Variants in UCHL3 observed in about 807,000 individuals in gnomAD.
UCHL3 encodes ubiquitin carboxyl-terminal hydrolase isozyme L3.
Under a neutral mutation model 35.8 loss-of-function variants are expected in UCHL3, and 22 were observed. The ratio of observed to expected loss-of-function variants is 0.61; its 90% CI spans 0.44 to 0.88. The LOEUF is 0.88. UCHL3 is among the 40% of genes least tolerant of loss of function. The pLI, the probability that UCHL3 is intolerant of heterozygous loss-of-function variation, is 0.00. For synonymous variants in UCHL3, 90 were observed against 92.8 expected, an observed-to-expected ratio of 0.97 and a Z score of 0.17; for missense variants, 229 against 276.9, an observed-to-expected ratio of 0.83 and a Z score of 1.23.
chr13:75,549,659 G>A, upstream of UCHL3: 1 of 699,960 alleles, frequency 1.4e-6, no homozygotes, highest in Non-Finnish European at 2.2e-6. Context: ...CCTGCACGGA[G>A]CGGTTAAGAG....
chr13:75,554,558 G>A (rs1284676714), intron 2 of UCHL3, among the ~76,000 whole-genome samples: 2 of 152,120 alleles, frequency 1.3e-5, no homozygotes, highest in Admixed American at 6.5e-5. Flanking sequence ...CACAGTGCAA[G>A]CCACCATCCT....
chr13:75,580,781 T>C (rs933030659), intron 6 of UCHL3, among the ~76,000 whole-genome samples: 23 of 152,224 alleles, frequency 1.5e-4, no homozygotes, highest in African/African-American at 5.1e-4. Flanking sequence ...ATGGGAAATC[T>C]AAGAAGCTGC....
rs554104506 is a variant in UCHL3 at position 75,599,125 on chromosome 13, T to G, written c.550+4135T>G. Among the ~76,000 whole-genome samples, 16 of 140,044 alleles carry G rather than the reference T, an allele frequency of 1.1e-4. No homozygotes were observed. In the East Asian group the frequency reaches 2.8e-3, roughly 24 times the overall value. The allele number at this position is 140,044 out of a possible 152,430, so 91.9% of individuals were successfully genotyped here. The stretch of plus-strand genomic sequence containing the variant: ...CTGGGACTGTAGGCCTGTGCCACCA[T>G]GCCTGGCTATTTTTTTTTTTTTTTT... On this transcript the variant is annotated intron_variant, in intron 7 of 8. Coordinates refer to ENST00000377595, the MANE Select transcript of UCHL3 (RefSeq NM_006002.5).
intron 2 of UCHL3, among the ~76,000 whole-genome samples, chr13:75,557,257 G>T (rs779499197): frequency 4.0e-5 from 6 of 151,834 alleles, no homozygotes; most frequent in Non-Finnish European, 5.9e-5. Context: ...CCTTGCCATG[G>T]CAGTAGAGGT....
chr13:75,603,190 G>A (rs939080087), intron 7 of UCHL3, among the ~76,000 whole-genome samples: 10 of 152,022 alleles, frequency 6.6e-5, no homozygotes, highest in Admixed American at 1.3e-4. Context: ...GGGTCTCACT[G>A]TATTGCCCAG....
At chr13:75,570,247 G>C (rs544046159) in intron 6 of UCHL3, among the ~76,000 whole-genome samples, 1 of 151,118 alleles carries the variant, frequency 6.6e-6, no homozygotes, top group East Asian at 1.9e-4. Flanking sequence ...ACTTTTTTTT[G>C]TTTTTTTTGA....
intron 6 of UCHL3, among the ~76,000 whole-genome samples, chr13:75,584,654 A>G (rs2032274941): frequency 6.6e-6 from 1 of 152,216 alleles, no homozygotes. Flanking sequence ...TATGATCTAG[A>G]TGTCAAACTA....
At chr13:75,564,940 C>A (rs1374952903) in intron 3 of UCHL3, among the ~76,000 whole-genome samples, 1 of 152,156 alleles carries the variant, frequency 6.6e-6, no homozygotes, top group Non-Finnish European at 1.5e-5. Flanking sequence ...AGATGATCCA[C>A]CCCCTTCAGC....
Position 75,551,875 on chromosome 13 carries a change from G to C in UCHL3, c.54+1888G>C, listed in dbSNP as rs557992854. On this transcript the variant is annotated intron_variant, in intron 2 of 8. Coordinates refer to ENST00000377595, the MANE Select transcript of UCHL3 (RefSeq NM_006002.5). The stretch of plus-strand genomic sequence containing the variant: ...ACCAGTAATCTGAACAGGAGCTGGT[G>C]ATTCTTTGGTGATTAAAATATTCAT... Among the ~76,000 whole-genome samples, 5 of 152,264 alleles carry C rather than the reference G, an allele frequency of 3.3e-5. No individual in the cohort carries two copies. In the East Asian group the frequency reaches 9.7e-4, roughly 29 times the overall value.
In UCHL3 at chr13:75,549,801, G is replaced by T. The variant is rs781089163; in HGVS notation, c.-20G>T. 2 of 1,531,502 alleles carry T rather than the reference G, an allele frequency of 1.3e-6. No homozygotes were observed. The highest frequency in any genetic ancestry group is 2.5e-5 in the South Asian group (2 of 79,640). 94.9% of individuals were successfully genotyped at this position (1,531,502 alleles called of 1,614,324 possible). Reference sequence around the variant, plus strand: ...GCGAAGGCGGCGGCTGTCAGAGCTGGAGGGCCGGGCACCGCGGCCATGGAG... The same window carrying T: ...GCGAAGGCGGCGGCTGTCAGAGCTGTAGGGCCGGGCACCGCGGCCATGGAG... On this transcript the variant is annotated 5_prime_UTR_variant, in exon 1 of 9. Transcript: ENST00000377595.
chr13:75,584,572 A>G (rs986822302), intron 6 of UCHL3, among the ~76,000 whole-genome samples: 1 of 152,204 alleles, frequency 6.6e-6, no homozygotes, highest in Non-Finnish European at 1.5e-5. Flanking sequence ...CATATTATTT[A>G]TCACAGTCTC....
intron 2 of UCHL3, among the ~76,000 whole-genome samples, chr13:75,552,088 A>G (rs2031131385): frequency 6.6e-6 from 1 of 152,216 alleles, no homozygotes; most frequent in Non-Finnish European, 1.5e-5. Flanking sequence ...GTTATTTAGT[A>G]TATGATTGTA....
chr13:75,565,506 A>G (rs1057352075), intron 3 of UCHL3, among the ~76,000 whole-genome samples: 3 of 152,248 alleles, frequency 2.0e-5, no homozygotes, highest in Non-Finnish European at 4.4e-5. Flanking sequence ...TTCTATAGAC[A>G]TCGTTTGTTT....
intron 7 of UCHL3, among the ~76,000 whole-genome samples, chr13:75,601,809 A>T (rs2328961): frequency 0.44 from 66,943 of 151,988 alleles, 16,259 homozygotes; most frequent in East Asian, 0.63. Flanking sequence ...GTACATTTTT[A>T]AAAAGTTTTT....
At chr13:75,576,489 G>A (rs1197156036) in intron 6 of UCHL3, among the ~76,000 whole-genome samples, 1 of 151,556 alleles carries the variant, frequency 6.6e-6, no homozygotes, top group African/African-American at 2.4e-5. Context: ...CAAGTAGCTG[G>A]GACTACAGGC....
chr13:75,594,866 T>G (rs1271485596), intron 6 of UCHL3, 49 bp from the exon 7 acceptor site: 2 of 1,373,292 alleles, frequency 1.5e-6, no homozygotes, highest in Non-Finnish European at 2.0e-6. Flanking sequence ...CATGACTGAT[T>G]TGTTTGACTA....
intron 6 of UCHL3, among the ~76,000 whole-genome samples, chr13:75,570,381 G>T (rs186427829): frequency 6.6e-6 from 1 of 152,046 alleles, no homozygotes; most frequent in East Asian, 1.9e-4. Flanking sequence ...AACTACAGGC[G>T]CCCGCCACCA....
intron 6 of UCHL3, among the ~76,000 whole-genome samples, chr13:75,591,901 G>A (rs1231559604): frequency 2.0e-5 from 3 of 152,086 alleles, no homozygotes; most frequent in African/African-American, 7.2e-5. Flanking sequence ...AGTATCTCAA[G>A]CCAGAACATT....
chr13:75,582,671 A>C (rs933723502), intron 6 of UCHL3, among the ~76,000 whole-genome samples: 1 of 152,248 alleles, frequency 6.6e-6, no homozygotes, highest in Non-Finnish European at 1.5e-5. Flanking sequence ...ATTAGTATGG[A>C]AGACAATGTG....
Sources: allele counts gnomAD v4.1 joint callset (sites outside exome capture counted in the v4.1 genomes callset), GRCh38; gene constraint gnomAD v4.1.1; transcripts MANE v1.5; gene names NCBI Gene and HGNC (gene_info 2026-07-23, HGNC 2026-07-21).